Variants in NHLRC2 observed in about 807,000 individuals in gnomAD.
NHLRC2 encodes the protein NHL repeat-containing protein 2.
NHLRC2 carries 33 observed loss-of-function variants against 68.1 expected under a neutral mutation model. The observed-to-expected ratio is 0.48, with a 90% CI of 0.37 to 0.65. The LOEUF (loss-of-function observed/expected upper bound fraction) is 0.65. Among genes scored for constraint, NHLRC2 ranks in the 30% least tolerant of loss-of-function variants. The pLI, the probability that NHLRC2 is intolerant of heterozygous loss-of-function variation, is 0.00. For synonymous variants in NHLRC2, 311 were observed against 309.6 expected (o/e 1.00, Z -0.05); for missense variants, 761 against 853.8 (o/e 0.89, Z 1.35).
intron 5 of NHLRC2, among the ~76,000 whole-genome samples, chr10:113,894,150 A>G (rs907381686): frequency 2.6e-5 from 4 of 152,170 alleles, no homozygotes; most frequent in Non-Finnish European, 5.9e-5. Flanking sequence ...GGAATTAAAG[A>G]TGACTCCAAG....
chr10:113,865,072 C>A (rs990568889), intron 2 of NHLRC2, among the ~76,000 whole-genome samples: 1 of 151,836 alleles, frequency 6.6e-6, no homozygotes, highest in Non-Finnish European at 1.5e-5. Flanking sequence ...ACCTCAGCCT[C>A]CCGAGTAGCT....
At chr10:113,902,419 A>G (rs1470538162) in intron 7 of NHLRC2, 52 bp from the exon 8 acceptor site, 9 of 1,228,444 alleles carry the variant, frequency 7.3e-6, no homozygotes, top group African/African-American at 3.1e-5. Flanking sequence ...CTAACAAAAC[A>G]CTGTAAAAAT....
intron 3 of NHLRC2, among the ~76,000 whole-genome samples, chr10:113,878,217 T>TG (rs956897400): frequency 3.9e-5 from 6 of 152,102 alleles, no homozygotes; most frequent in African/African-American, 7.2e-5. Flanking sequence ...ATTTTCCTTA[T>TG]GGGGGGGTAT....
rs74942984 is a variant in NHLRC2 at position 113,907,462 on chromosome 10, T to A, written c.1925-818T>A. Among the ~76,000 whole-genome samples the A allele has an allele frequency of 3.9e-3, 587 of 152,350 alleles. 9 individuals are homozygous for A. The highest frequency in any genetic ancestry group is 0.013 in the African/African-American group (559 of 41,588). On this transcript the variant is annotated intron_variant, in intron 10 of 10. Transcript: ENST00000369301. ...TCATATATTTCCCAAATGCTGGCTC[T>A]TGAGGGCTGCCACCTTTTTAGGCTG...
At chr10:113,901,589 C>A in intron 6 of NHLRC2, 77 bp from the exon 7 acceptor site, 1 of 882,194 alleles carries the variant, frequency 1.1e-6, no homozygotes. Flanking sequence ...TTTGATTATT[C>A]ACATTCATTT....
At chr10:113,864,370 G>A (rs543529155) in intron 2 of NHLRC2, among the ~76,000 whole-genome samples, 57 of 152,146 alleles carry the variant, frequency 3.7e-4, no homozygotes, top group African/African-American at 1.3e-3. Flanking sequence ...CTTAACAAAC[G>A]GTTAAAATAG....
chr10:113,885,877 T>C (rs1269379776), intron 5 of NHLRC2, among the ~76,000 whole-genome samples: 1 of 151,942 alleles, frequency 6.6e-6, no homozygotes, highest in Non-Finnish European at 1.5e-5. Context: ...ATACTAGTGG[T>C]TCCTTATGGG....
chr10:113,892,125 C>G (rs1280163897), intron 5 of NHLRC2, among the ~76,000 whole-genome samples: 1 of 152,158 alleles, frequency 6.6e-6, no homozygotes, highest in African/African-American at 2.4e-5. Flanking sequence ...TGTAGAAGCA[C>G]TGATGGAGAA....
chr10:113,915,259 C>T lies in NHLRC2; in HGVS notation c.*6723C>T, dbSNP rs777155353. ...TTGCAACTATTTGCAAACATACTTC[C>T]CTACCTGTACAAGCAGCCATATACT... On this transcript the variant is annotated 3_prime_UTR_variant, in exon 11 of 11. Coordinates refer to ENST00000369301, the MANE Select transcript of NHLRC2 (RefSeq NM_198514.4). 5 of 456,100 alleles carry T rather than the reference C, an allele frequency of 1.1e-5. No homozygotes were observed. The highest frequency in any genetic ancestry group is 1.8e-5 in the Non-Finnish European group (4 of 226,936). 28.3% of individuals were successfully genotyped at this position (456,100 alleles called of 1,614,324 possible).
rs1846374834 is a variant in NHLRC2, at chr10:113,915,496, A to G, written c.*6960A>G. The G allele has an allele frequency of 3.3e-6, 1 of 299,194 alleles. No individual in the cohort carries two copies. Among genetic ancestry groups the G allele is most frequent in the Admixed American group, 4.7e-5 (1 of 21,082 alleles). 18.5% of individuals were successfully genotyped at this position (299,194 alleles called of 1,614,324 possible). A position where few individuals can be genotyped will look rare whatever the true frequency, so the allele number is the denominator to read the frequency against. On this transcript the variant is annotated 3_prime_UTR_variant, in exon 11 of 11. Coordinates refer to ENST00000369301, the MANE Select transcript of NHLRC2 (RefSeq NM_198514.4). ...GTGAATAATACGGACATAGTTTACT[A>G]CCTTTTGCTTTTAATATACCTGGTT...
intron 1 of NHLRC2, among the ~76,000 whole-genome samples, chr10:113,857,770 A>G (rs188908175): frequency 1.8e-4 from 28 of 152,264 alleles, no homozygotes; most frequent in Admixed American, 3.9e-4. Context: ...TGTTACCTCA[A>G]TGAAATCTGT....
At chr10:113,866,169 G>C (rs913521156) in intron 2 of NHLRC2, among the ~76,000 whole-genome samples, 2 of 152,202 alleles carry the variant, frequency 1.3e-5, no homozygotes, top group African/African-American at 4.8e-5. Context: ...CACTTTCACA[G>C]TCGCAAATGA....
rs754355720 is a variant in NHLRC2, at chr10:113,876,514, C to T, written c.332-7C>T. 4.6e-6 allele frequency: 7 copies of T among 1,522,518 alleles called. No individual in the cohort carries two copies. Among genetic ancestry groups the T allele is most frequent in the East Asian group, 2.3e-5 (1 of 43,918 alleles). 94.3% of individuals were successfully genotyped at this position (1,522,518 alleles called of 1,614,324 possible). On this transcript the variant is annotated splice_polypyrimidine_tract_variant and splice_region_variant and intron_variant, in intron 2 of 10. Coordinates refer to ENST00000369301, the MANE Select transcript of NHLRC2 (RefSeq NM_198514.4). ...ATAATGTTTAACATATAATTTTTTC[C>T]TTTCAGATGGTCTTCTTATTATTGG...
At chr10:113,858,036 A>G (rs985020695) in intron 1 of NHLRC2, among the ~76,000 whole-genome samples, 2 of 141,280 alleles carry the variant, frequency 1.4e-5, no homozygotes. Flanking sequence ...TTACTATTTG[A>G]TATTTCTTCC....
rs976149437 is a variant in NHLRC2, at chr10:113,912,541, G to A, written c.*4005G>A. The A allele has an allele frequency of 1.3e-5, 2 of 152,190 alleles. No homozygotes were observed. The highest frequency in any genetic ancestry group is 2.9e-5 in the Non-Finnish European group (2 of 68,044). 9.4% of individuals were successfully genotyped at this position (152,190 alleles called of 1,614,324 possible). A position where few individuals can be genotyped will look rare whatever the true frequency, so the allele number is the denominator to read the frequency against. On this transcript the variant is annotated 3_prime_UTR_variant, in exon 11 of 11. Coordinates refer to ENST00000369301, the MANE Select transcript of NHLRC2 (RefSeq NM_198514.4). ...AATGAACTTGCTTTGAGAGGGTCCA[G>A]ACATACTCATCCTGAACCACATTCC...
chr10:113,900,113 CTG>C (rs1195511487), intron 6 of NHLRC2, among the ~76,000 whole-genome samples: 3 of 152,242 alleles, frequency 2.0e-5, no homozygotes, highest in Middle Eastern at 3.4e-3. Context: ...CCAGATCACA[CTG>C]TGCCTTGTGA....
At chr10:113,886,120 G>A (rs1429372963) in intron 5 of NHLRC2, among the ~76,000 whole-genome samples, 1 of 151,840 alleles carries the variant, frequency 6.6e-6, no homozygotes, top group African/African-American at 2.4e-5. Context: ...AGGAAATTAT[G>A]GAAACAATTT....
chr10:113,855,109 G>A, intron 1 of NHLRC2, 59 bp downstream of exon 1: 1 of 1,424,342 alleles, frequency 7.0e-7, no homozygotes, highest in South Asian at 1.2e-5. Context: ...CTCGGGGACG[G>A]CGCCCTCCCG....
chr10:113,869,606 G>A (rs1845903378), intron 2 of NHLRC2, among the ~76,000 whole-genome samples: 1 of 151,950 alleles, frequency 6.6e-6, no homozygotes, highest in African/African-American at 2.4e-5. Context: ...CTCCTTCAGC[G>A]TTCTCTGCAC....
Sources: gnomAD v4.1 joint callset for allele counts (sites outside exome capture counted in the v4.1 genomes callset) on GRCh38, gnomAD v4.1.1 for gene constraint, MANE v1.5 for transcripts, NCBI Gene and HGNC (gene_info 2026-07-23, HGNC 2026-07-21) for gene names.